DNAJB6: variants seen among roughly 807,000 people sequenced by gnomAD.
The protein encoded by DNAJB6 is DnaJ heat shock protein family (Hsp40) member B6.
Under a neutral mutation model 42.7 loss-of-function variants are expected in DNAJB6, and 16 were observed. The observed-to-expected ratio is 0.37, with a 90% CI of 0.25 to 0.57. The LOEUF (loss-of-function observed/expected upper bound fraction) is 0.57, where lower values mean the gene tolerates loss of function less well. DNAJB6 is among the 20% of genes least tolerant of loss of function. The pLI, the probability that DNAJB6 is intolerant of heterozygous loss-of-function variation, is 0.74. For synonymous variants in DNAJB6, 170 were observed against 163.5 expected (o/e 1.04, Z -0.30); for missense variants, 347 against 416.8 (o/e 0.83, Z 1.46).
chr7:157,408,622 C>T (rs1006592246), intron 8 of DNAJB6, among the ~76,000 whole-genome samples: 7 of 152,218 alleles, frequency 4.6e-5, no homozygotes, highest in Non-Finnish European at 7.3e-5. Flanking sequence ...TTCCTGACCT[C>T]GGAGCCCGTT....
At chr7:157,363,046 T>A in intron 2 of DNAJB6, 115 bp from the exon 3 acceptor site, 1 of 636,736 alleles carries the variant, frequency 1.6e-6, no homozygotes. Flanking sequence ...AAAACCAGTA[T>A]TCATCTCACC....
At chr7:157,345,799 T>G (rs1230453673) in intron 1 of DNAJB6, among the ~76,000 whole-genome samples, 1 of 152,226 alleles carries the variant, frequency 6.6e-6, no homozygotes, top group Non-Finnish European at 1.5e-5. Context: ...AAAAGGTTTT[T>G]GCCAAGTGGG....
At chr7:157,375,774 G>A (rs936011173) in intron 5 of DNAJB6, among the ~76,000 whole-genome samples, 5 of 152,202 alleles carry the variant, frequency 3.3e-5, no homozygotes, top group African/African-American at 1.2e-4. Flanking sequence ...AGAGGAGTTG[G>A]GAGAGCAGAG....
intron 1 of DNAJB6, among the ~76,000 whole-genome samples, chr7:157,348,026 C>T (rs774397555): frequency 1.3e-5 from 2 of 151,646 alleles, no homozygotes; most frequent in Non-Finnish European, 2.9e-5. Flanking sequence ...GAACTCTTGA[C>T]CTCAGGTGAT....
intron 8 of DNAJB6, among the ~76,000 whole-genome samples, chr7:157,389,129 A>AG (rs936359458): frequency 3.3e-5 from 5 of 152,224 alleles, no homozygotes; most frequent in African/African-American, 7.2e-5. Flanking sequence ...GAAACGCTTG[A>AG]GGAACACTGT....
rs1328911034 is a variant in DNAJB6 at position 157,369,989 on chromosome 7, C to CAGGCCCCTTCTTAACATTATTATTAAAG, written c.346+2513_346+2540dup. Among the ~76,000 whole-genome samples, 20 of 145,750 alleles carry CAGGCCCCTTCTTAACATTATTATTAAAG rather than the reference C, an allele frequency of 1.4e-4. 1 individual carries two copies. The highest frequency in any genetic ancestry group is 4.4e-4 in the African/African-American group (17 of 38,628). On this transcript the variant is annotated intron_variant, in intron 5 of 9. Coordinates refer to ENST00000262177, the MANE Select transcript of DNAJB6 (RefSeq NM_058246.4). Reference sequence around the variant, plus strand: ...GCCCTTTCTTAACATTATTATTAAACAGGCCCCTTCTTAACATTATTATTA... The same window carrying CAGGCCCCTTCTTAACATTATTATTAAAG: ...GCCCTTTCTTAACATTATTATTAAACAGGCCCCTTCTTAACATTATTATTAAAGAGGCCCCTTCTTAACATTATTATTA...
At chr7:157,352,706 C>T (rs943419064) in intron 1 of DNAJB6, among the ~76,000 whole-genome samples, 39 of 152,246 alleles carry the variant, frequency 2.6e-4, no homozygotes, top group African/African-American at 9.1e-4. Flanking sequence ...TCATCACAAG[C>T]AGGTAGCACT....
chr7:157,354,886 A>G (rs912460247), intron 1 of DNAJB6, among the ~76,000 whole-genome samples: 4 of 152,192 alleles, frequency 2.6e-5, no homozygotes, highest in African/African-American at 9.7e-5. Context: ...AATTTACTAG[A>G]AAATGACCAG....
chr7:157,386,535 A>G (rs1176739366), intron 8 of DNAJB6, among the ~76,000 whole-genome samples: 1 of 152,178 alleles, frequency 6.6e-6, no homozygotes, highest in Non-Finnish European at 1.5e-5. Context: ...CAGGAGAGGG[A>G]AGAAACCATT....
At chr7:157,402,198 T>C (rs1469146216) in intron 8 of DNAJB6, among the ~76,000 whole-genome samples, 3 of 152,230 alleles carry the variant, frequency 2.0e-5, no homozygotes, top group Non-Finnish European at 4.4e-5. Flanking sequence ...TGGGCCCACG[T>C]GATCCTCCCT....
At chr7:157,358,906 G>A (rs1364373127) in intron 2 of DNAJB6, among the ~76,000 whole-genome samples, 1 of 152,176 alleles carries the variant, frequency 6.6e-6, no homozygotes, top group Non-Finnish European at 1.5e-5. Context: ...CTTTTACATT[G>A]GACTTTGAAA....
At chr7:157,369,839 C>T (rs112299160) in intron 5 of DNAJB6, among the ~76,000 whole-genome samples, 51,098 of 121,294 alleles carry the variant, frequency 0.42, 11,420 homozygotes, top group Admixed American at 0.51. Context: ...CCTTTCATAA[C>T]GTTATTATTA....
At chr7:157,352,292 C>G (rs1055324320) in intron 1 of DNAJB6, among the ~76,000 whole-genome samples, 2 of 151,828 alleles carry the variant, frequency 1.3e-5, no homozygotes, top group African/African-American at 4.8e-5. Context: ...TTGTGCTACT[C>G]TACTCTGGCG....
chr7:157,371,432 G>A (rs1196967260), intron 5 of DNAJB6, among the ~76,000 whole-genome samples: 3 of 152,254 alleles, frequency 2.0e-5, no homozygotes, highest in Admixed American at 1.3e-4. Context: ...ATGGTATGCA[G>A]GTCTGTGCCT....
chr7:157,370,072 CGGG>C (rs1800104490), intron 5 of DNAJB6, among the ~76,000 whole-genome samples: 1 of 140,912 alleles, frequency 7.1e-6, no homozygotes, highest in African/African-American at 2.8e-5. Context: ...TATTATTAAA[CGGG>C]CCCCTTCTTA....
At chr7:157,354,464 AT>A (rs546128364) in intron 1 of DNAJB6, among the ~76,000 whole-genome samples, 9 of 121,666 alleles carry the variant, frequency 7.4e-5, no homozygotes, top group African/African-American at 1.8e-4. Flanking sequence ...TTTAGTTTTA[AT>A]TTTTTTTTTA....
intron 5 of DNAJB6, chr7:157,369,310 C>G: frequency 2.2e-6 from 1 of 456,708 alleles, no homozygotes; most frequent in Non-Finnish European, 4.4e-6. Context: ...TTAAAAATGA[C>G]CTTTGCATCT....
intron 1 of DNAJB6, chr7:157,337,770 A>C (rs1053245522): frequency 2.6e-5 from 4 of 152,262 alleles, no homozygotes; most frequent in Admixed American, 1.3e-4. Flanking sequence ...GATGCAACTG[A>C]AGTTTATATA....
chr7:157,395,753 C>T (rs1202179988), intron 8 of DNAJB6, among the ~76,000 whole-genome samples: 3 of 146,118 alleles, frequency 2.1e-5, no homozygotes, highest in African/African-American at 7.6e-5. Flanking sequence ...GGGGCGATCT[C>T]GGCTCACTGC....
Sources: gnomAD v4.1 joint callset for allele counts (sites outside exome capture counted in the v4.1 genomes callset) on GRCh38, gnomAD v4.1.1 for gene constraint, MANE v1.5 for transcripts, NCBI Gene and HGNC (gene_info 2026-07-23, HGNC 2026-07-21) for gene names.